RPS6KA2: variants seen among roughly 807,000 people sequenced by gnomAD.
The protein encoded by RPS6KA2 is ribosomal protein S6 kinase A2, also known as ribosomal protein S6 kinase alpha-2.
Under a neutral mutation model 91.8 loss-of-function variants are expected in RPS6KA2, and 42 were observed. The observed-to-expected ratio is 0.46, with a 90% CI of 0.36 to 0.59. The LOEUF (loss-of-function observed/expected upper bound fraction) is 0.59. Ranked by LOEUF, RPS6KA2 falls within the 20% of genes least tolerant of loss-of-function variation. The pLI is 0.00. For missense variants in RPS6KA2, 798 were observed against 978.5 expected (o/e 0.82, Z 2.46); for synonymous variants, 414 against 393.6 (o/e 1.05, Z -0.61).
intron 2 of RPS6KA2, among the ~76,000 whole-genome samples, chr6:166,725,552 G>C (rs755332708): frequency 1.6e-4 from 24 of 152,220 alleles, no homozygotes; most frequent in Non-Finnish European, 3.2e-4. Context: ...AGCATCCCTG[G>C]GAGCCACCTC....
chr6:166,755,416 G>T (rs1482975190), intron 2 of RPS6KA2, among the ~76,000 whole-genome samples: 1 of 152,166 alleles, frequency 6.6e-6, no homozygotes, highest in African/African-American at 2.4e-5. Context: ...AGCAGGAGAT[G>T]TTTCTTACAG....
intron 2 of RPS6KA2, among the ~76,000 whole-genome samples, chr6:166,678,519 C>A (rs1303865171): frequency 6.6e-6 from 1 of 150,422 alleles, no homozygotes; most frequent in Non-Finnish European, 1.5e-5. Context: ...ATCCTTCTCT[C>A]TTTTATTTCA....
chr6:166,650,950 T>C (rs1787835599), intron 2 of RPS6KA2, among the ~76,000 whole-genome samples: 3 of 152,156 alleles, frequency 2.0e-5, no homozygotes, highest in Non-Finnish European at 2.9e-5. Flanking sequence ...CTTTTTAAAA[T>C]TGTTTTCAGC....
chr6:166,728,405 T>C (rs986986706), intron 2 of RPS6KA2, among the ~76,000 whole-genome samples: 4 of 152,202 alleles, frequency 2.6e-5, no homozygotes, highest in African/African-American at 4.8e-5. Flanking sequence ...AAGAAACTGC[T>C]GTCCCAGGGA....
chr6:166,501,329 G>A (rs376491316), intron 6 of RPS6KA2, among the ~76,000 whole-genome samples: 2 of 152,156 alleles, frequency 1.3e-5, no homozygotes, highest in East Asian at 1.9e-4. Flanking sequence ...TTCTGCACTC[G>A]GGATGCCCTT....
rs1470251883 is a variant in RPS6KA2 at position 166,648,249 on chromosome 6, G to T, written c.124-109465C>A. On this transcript the variant is annotated intron_variant, in intron 2 of 21. Transcript: ENST00000503859. This position sits in a 1 kb window ranked among gnomAD's most constrained non-coding sequence, Gnocchi z 4.8. ...ATGCGCACACACACACATTCACACA[G>T]GCACACACACTCATGTTCATACACA... Among the ~76,000 whole-genome samples the T allele has an allele frequency of 2.0e-4, 24 of 118,890 alleles. No homozygotes were observed. The highest frequency in any genetic ancestry group is 3.1e-4 in the Non-Finnish European group (17 of 54,634). The allele number at this position is 118,890 out of a possible 152,430, so 78.0% of individuals were successfully genotyped here.
chr6:166,860,425 T>C (rs981751380), intron 1 of RPS6KA2, among the ~76,000 whole-genome samples: 4 of 152,258 alleles, frequency 2.6e-5, no homozygotes, highest in African/African-American at 9.6e-5. Flanking sequence ...TTCTTGCCAC[T>C]TGCAAGTGCT....
intron 2 of RPS6KA2, among the ~76,000 whole-genome samples, chr6:166,793,960 C>T (rs79763802): frequency 0.98 from 135,259 of 138,440 alleles, 66,159 homozygotes; most frequent in South Asian, 1. Context: ...ACTTCATGTC[C>T]AAAACACCAA....
intron 6 of RPS6KA2, among the ~76,000 whole-genome samples, chr6:166,504,266 C>T (rs1046873522): frequency 1.3e-5 from 2 of 152,204 alleles, no homozygotes; most frequent in Admixed American, 6.5e-5. Context: ...CTCCCTCAGG[C>T]GTTATGAGTG....
intron 3 of RPS6KA2, among the ~76,000 whole-genome samples, chr6:166,516,623 GC>G (rs1186859907): frequency 3.9e-5 from 6 of 152,218 alleles, no homozygotes; most frequent in Admixed American, 3.9e-4. Context: ...GCTCTGCCAC[GC>G]CCTAGACTCA....
At chr6:166,771,059 G>A in intron 2 of RPS6KA2, 1 of 612,218 alleles carries the variant, frequency 1.6e-6, no homozygotes, top group East Asian at 2.9e-5. Context: ...ATAATTTTAA[G>A]TAATTGGAGG....
intron 2 of RPS6KA2, among the ~76,000 whole-genome samples, chr6:166,783,614 G>A (rs1436247151): frequency 1.3e-5 from 2 of 150,822 alleles, no homozygotes; most frequent in African/African-American, 4.9e-5. Context: ...ACATATATAT[G>A]TACACATATC....
rs773366632 is a variant in RPS6KA2 at position 166,626,992 on chromosome 6, C to T, written c.28G>A (p.Val10Met). Reference protein sequence around the residue: MDLSMKKFAVRRFFSVYLRR... With the variant: MDLSMKKFAMRRFFSVYLRR... ...AGGTACACAGAGAAGAACCTGCGCA[C>T]GGCGAACTTCTTCATGCTCAGGTCC... Residue 10 changes from valine to methionine, a missense_variant, in exon 1 of 21, where the codon GTG becomes ATG. Coordinates refer to ENST00000265678, the MANE Select transcript of RPS6KA2 (RefSeq NM_021135.6). The surrounding 1 kb of genome is among the most constrained non-coding windows in gnomAD (Gnocchi z 4.1). The T allele has an allele frequency of 3.2e-6, 5 of 1,550,268 alleles. No individual in the cohort carries two copies. The highest frequency in any genetic ancestry group is 3.7e-5 in the Admixed American group (2 of 54,438).
At chr6:166,453,275 C>T (rs1326410379) in intron 12 of RPS6KA2, among the ~76,000 whole-genome samples, 1 of 151,884 alleles carries the variant, frequency 6.6e-6, no homozygotes, top group African/African-American at 2.4e-5. Context: ...ACAGAATGAA[C>T]AGACAACCTG....
At chr6:166,858,380 T>C in intron 1 of RPS6KA2, 2 of 658,694 alleles carry the variant, frequency 3.0e-6, no homozygotes, top group Non-Finnish European at 5.5e-6. Flanking sequence ...CTGTAGGACA[T>C]GGAAACCATA....
intron 2 of RPS6KA2, among the ~76,000 whole-genome samples, chr6:166,815,512 C>G (rs1361256005): frequency 1.3e-5 from 2 of 152,162 alleles, no homozygotes; most frequent in Non-Finnish European, 2.9e-5. Flanking sequence ...CTAATACACT[C>G]TACCAAAATC....
chr6:166,847,453 G>A (rs1244636240), intron 2 of RPS6KA2, among the ~76,000 whole-genome samples: 1 of 152,018 alleles, frequency 6.6e-6, no homozygotes, highest in Non-Finnish European at 1.5e-5. Context: ...CATAGCCAAA[G>A]CAAGACTAAG....
intron 2 of RPS6KA2, among the ~76,000 whole-genome samples, chr6:166,664,895 C>T (rs1022748173): frequency 1.3e-5 from 2 of 152,178 alleles, no homozygotes; most frequent in Admixed American, 6.5e-5. Context: ...GATAGTCCTC[C>T]TGACTCCTTT....
chr6:166,491,863 T>C (rs1303515245), intron 8 of RPS6KA2, among the ~76,000 whole-genome samples: 1 of 152,242 alleles, frequency 6.6e-6, no homozygotes, highest in Non-Finnish European at 1.5e-5. Flanking sequence ...CAGATAAGGT[T>C]TTGTATACTA....
Sources: gnomAD v4.1 joint callset for allele counts (sites outside exome capture counted in the v4.1 genomes callset) on GRCh38, gnomAD v4.1.1 for gene constraint, Gnocchi (gnomAD v3.1) non-coding constraint, MANE v1.5 for transcripts, NCBI Gene and HGNC (gene_info 2026-07-23, HGNC 2026-07-21) for gene names.